Variants in FAT3 observed in about 807,000 individuals in gnomAD.
FAT3 encodes protocadherin Fat 3.
FAT3 carries 95 observed loss-of-function variants against 310.2 expected under a neutral mutation model. The observed-to-expected ratio is 0.31, with a 90% confidence interval of 0.26 to 0.36. FAT3 has a LOEUF of 0.36. Among genes scored for constraint, FAT3 ranks in the 10% least tolerant of loss-of-function variants. The pLI, the probability that FAT3 is intolerant of heterozygous loss-of-function variation, is 1.00. For missense variants in FAT3, 5,408 were observed against 5,715.6 expected (o/e 0.95, Z 1.74); for synonymous variants, 2,314 against 2,192.9 (o/e 1.06, Z -1.54).
chr11:92,342,029 C>T (rs1266982850), intron 1 of FAT3, among the ~76,000 whole-genome samples: 2 of 152,098 alleles, frequency 1.3e-5, no homozygotes, highest in African/African-American at 2.4e-5. Flanking sequence ...GCCTTACATT[C>T]TTGGGGGACG....
chr11:92,789,872 G>A (rs1383174995), intron 7 of FAT3, 71 bp from the exon 8 acceptor site: 1 of 1,516,598 alleles, frequency 6.6e-7, no homozygotes, highest in Non-Finnish European at 9.0e-7. Context: ...GAGAAAAAGA[G>A]GGAGGGCATA....
At chr11:92,806,595 T>A in intron 12 of FAT3, 80 bp downstream of exon 12, 1 of 1,230,202 alleles carries the variant, frequency 8.1e-7, no homozygotes, top group Non-Finnish European at 1.1e-6. Context: ...TCATCACTAG[T>A]AAATAGTTAG....
rs140561250 is a variant in FAT3 at position 92,290,870 on chromosome 11, A to G, written c.-17-61226A>G. On this transcript the variant is annotated intron_variant, in intron 1 of 27. Transcript: ENST00000525166. ...ATGTGGCTTTCTTTAGCTGCACACC[A>G]GCCACTTGTAGCACCAAGTTACTTC... is the stretch of plus-strand genomic sequence containing the variant. 8.5e-5 allele frequency among the ~76,000 whole-genome samples: 13 copies of G among 152,234 alleles called. No individual in the cohort carries two copies. In the East Asian group the frequency reaches 2.1e-3, roughly 25 times the overall value.
intron 2 of FAT3, among the ~76,000 whole-genome samples, chr11:92,384,628 T>C (rs1949576545): frequency 6.6e-6 from 1 of 152,154 alleles, no homozygotes; most frequent in African/African-American, 2.4e-5. Context: ...ACTGCTATCA[T>C]CCCTGGAAGA....
Position 92,882,780 on chromosome 11 carries a change from G to A in FAT3, c.12324G>A (p.Glu4108=), listed in dbSNP as rs1370583502. The change falls in exon 24 of 28, where the codon GAG becomes GAA. Residue 4108 remains glutamate, a synonymous_variant. Coordinates refer to ENST00000525166, the MANE Select transcript of FAT3 (RefSeq NM_001367949.2). ...DINECEREEC[E]NGGSCVNVFG... ...ATGAGTGCGAACGAGAGGAGTGTGA[G>A]AACGGAGGCTCCTGCGTGAACGTGT... 1.9e-6 allele frequency: 3 copies of A among 1,611,488 alleles called. No homozygotes were observed. In the East Asian group the frequency reaches 6.7e-5, roughly 36 times the overall value.
chr11:92,434,366 G>C (rs1591285972), intron 2 of FAT3, among the ~76,000 whole-genome samples: 1 of 152,118 alleles, frequency 6.6e-6, no homozygotes, highest in Non-Finnish European at 1.5e-5. Flanking sequence ...ACATAGTTCT[G>C]TTTACTCTTT....
intron 2 of FAT3, among the ~76,000 whole-genome samples, chr11:92,483,183 C>T (rs1222585829): frequency 6.6e-6 from 1 of 152,126 alleles, no homozygotes; most frequent in Non-Finnish European, 1.5e-5. Flanking sequence ...ACAGGTAACA[C>T]AGTATTTGCA....
chr11:92,298,186 A>G (rs1263252216), intron 1 of FAT3, among the ~76,000 whole-genome samples: 1 of 152,132 alleles, frequency 6.6e-6, no homozygotes, highest in East Asian at 1.9e-4. Flanking sequence ...GGGAACATTT[A>G]GCTCTTTCAA....
intron 2 of FAT3, among the ~76,000 whole-genome samples, chr11:92,478,137 T>A (rs1159905565): frequency 1.3e-5 from 2 of 152,200 alleles, no homozygotes; most frequent in Non-Finnish European, 2.9e-5. Context: ...AAATAAAATG[T>A]TTTCCTAGGC....
chr11:92,835,444 T>A (rs917715880), intron 15 of FAT3, among the ~76,000 whole-genome samples: 2 of 152,186 alleles, frequency 1.3e-5, no homozygotes, highest in Non-Finnish European at 2.9e-5. Context: ...TATTCTTTTT[T>A]TCTTTTTTTT....
intron 3 of FAT3, among the ~76,000 whole-genome samples, chr11:92,554,658 A>G (rs929789847): frequency 1.3e-5 from 2 of 152,086 alleles, no homozygotes; most frequent in Non-Finnish European, 2.9e-5. Context: ...TCTTCTAAAC[A>G]TAATGTAAAA....
chr11:92,827,545 T>C (rs550826299), intron 13 of FAT3, among the ~76,000 whole-genome samples: 31 of 152,308 alleles, frequency 2.0e-4, no homozygotes, highest in African/African-American at 7.5e-4. Flanking sequence ...TCCCCTGTCT[T>C]CCAGTACTAG....
Position 92,892,966 on chromosome 11 carries a change from G to A in FAT3, c.*1853G>A, listed in dbSNP as rs1949949249. ...TACGGCCGCCTGTGCAGTGGCCATG[G>A]TAAATATATGCATATTTGCACTATC... On this transcript the variant is annotated 3_prime_UTR_variant, in exon 28 of 28. Coordinates refer to ENST00000525166, the MANE Select transcript of FAT3 (RefSeq NM_001367949.2). 6.6e-6 allele frequency: 1 copy of A among 152,102 alleles called. No homozygotes were observed. The highest frequency in any genetic ancestry group is 1.5e-5 in the Non-Finnish European group (1 of 68,038). The allele number at this position is 152,102 out of a possible 1,614,324, so 9.4% of individuals were successfully genotyped here.
chr11:92,379,604 A>G (rs557114508), intron 2 of FAT3, among the ~76,000 whole-genome samples: 1 of 152,180 alleles, frequency 6.6e-6, no homozygotes, highest in African/African-American at 2.4e-5. Context: ...TCATTTTCTG[A>G]CAGCTGGAGG....
chr11:92,601,849 TA>T (rs200755678), intron 3 of FAT3, among the ~76,000 whole-genome samples: 4 of 151,860 alleles, frequency 2.6e-5, no homozygotes, highest in Non-Finnish European at 5.9e-5. Context: ...AAGTTCACAT[TA>T]AAAAAAATAG....
intron 3 of FAT3, among the ~76,000 whole-genome samples, chr11:92,546,626 A>G (rs1954626121): frequency 6.6e-6 from 1 of 152,252 alleles, no homozygotes; most frequent in Non-Finnish European, 1.5e-5. Context: ...ATAGTGAAGC[A>G]CAAATAAAAT....
chr11:92,645,732 G>T (rs114546331), intron 3 of FAT3, among the ~76,000 whole-genome samples: 1 of 152,094 alleles, frequency 6.6e-6, no homozygotes, highest in Non-Finnish European at 1.5e-5. Flanking sequence ...TATAGTTAGC[G>T]CTGTCCCTGG....
intron 6 of FAT3, among the ~76,000 whole-genome samples, chr11:92,768,139 A>G (rs1456825296): frequency 6.6e-6 from 1 of 152,160 alleles, no homozygotes; most frequent in Non-Finnish European, 1.5e-5. Context: ...TCTAAATGCT[A>G]TACTTTTCCT....
intron 1 of FAT3, among the ~76,000 whole-genome samples, chr11:92,278,292 A>C (rs1202373521): frequency 6.6e-6 from 1 of 152,178 alleles, no homozygotes; most frequent in Non-Finnish European, 1.5e-5. Context: ...TGTTAGGGAT[A>C]TCTCATTAGG....
Sources: allele counts gnomAD v4.1 joint callset (sites outside exome capture counted in the v4.1 genomes callset), GRCh38; gene constraint gnomAD v4.1.1; transcripts MANE v1.5; gene names NCBI Gene and HGNC (gene_info 2026-07-23, HGNC 2026-07-21).